The following S100Z variants were observed in gnomAD, a reference collection of about 807,000 sequenced individuals.
S100Z encodes protein S100-Z.
S100Z carries 11 observed loss-of-function variants against 8.5 expected under a neutral mutation model. That is an observed-to-expected ratio of 1.30 (90% confidence interval 0.82 to 2.15). The LOEUF (loss-of-function observed/expected upper bound fraction) is 2.15, where lower values mean the gene tolerates loss of function less well. S100Z is among the 30% of genes most tolerant of loss of function. The probability of loss-of-function intolerance (pLI) is 0.00; values close to 1 mark genes in which losing one functional copy is unlikely to be tolerated. For missense variants in S100Z, 126 were observed against 117.9 expected, an observed-to-expected ratio of 1.07 and a Z score of -0.32; for synonymous variants, 34 against 43.8, an observed-to-expected ratio of 0.78 and a Z score of 0.89.
rs1159329148 is a variant in S100Z at position 76,875,413 on chromosome 5, C to G, written c.54C>G (p.Arg18=). The stretch of plus-strand genomic sequence containing the variant: ...ACACCATGATTAGAATCTTCCACCG[C>G]TATTCTGGCAAGGAAAGGAAGAGAT... ...AMDTMIRIFH[R]YSGKERKRFK... The change falls in exon 3 of 5, where the codon CGC becomes CGG. Residue 18 remains arginine (R), a synonymous_variant. Transcript: ENST00000317593. 1 of 1,613,356 alleles carries G rather than the reference C, an allele frequency of 6.2e-7. No homozygotes were observed. Among genetic ancestry groups the G allele is most frequent in the Non-Finnish European group, 8.5e-7 (1 of 1,179,682 alleles).
At chr5:76,927,261 T>G in the S100Z span, among the ~76,000 whole-genome samples, 1 of 152,206 alleles carries the variant, frequency 6.6e-6, no homozygotes, top group Non-Finnish European at 1.5e-5. Flanking sequence ...TGACCTATGC[T>G]TTGATGCCCT....
At chr5:76,949,271 A>C in the S100Z span, among the ~76,000 whole-genome samples, 3 of 151,964 alleles carry the variant, frequency 2.0e-5, no homozygotes, top group African/African-American at 7.2e-5. Context: ...CGCCTGTAGT[A>C]CCAGCTACTC....
intron 4 of S100Z, among the ~76,000 whole-genome samples, chr5:76,909,449 A>T (rs1744573580): frequency 6.6e-6 from 1 of 152,158 alleles, no homozygotes; most frequent in East Asian, 1.9e-4. Context: ...GGGAAGGCAA[A>T]TGGAGTGAAA....
At chr5:76,866,819 A>G (rs1380292235) in intron 1 of S100Z, among the ~76,000 whole-genome samples, 3 of 152,194 alleles carry the variant, frequency 2.0e-5, no homozygotes, top group African/African-American at 2.4e-5. Flanking sequence ...TTCTCAGAAT[A>G]TATTTCTGTC....
the S100Z span, among the ~76,000 whole-genome samples, chr5:76,952,490 A>G: frequency 6.6e-6 from 1 of 152,398 alleles, no homozygotes; most frequent in Non-Finnish European, 1.5e-5. Context: ...AAGAAAGCTT[A>G]TAATTGCATT....
intron 1 of S100Z, among the ~76,000 whole-genome samples, chr5:76,869,406 C>A (rs1405462898): frequency 6.6e-6 from 1 of 152,072 alleles, no homozygotes; most frequent in African/African-American, 2.4e-5. Context: ...GAGGAGATGA[C>A]ATTTGAACTG....
At chr5:76,873,913 C>T (rs1743093271) in intron 2 of S100Z, among the ~76,000 whole-genome samples, 1 of 152,190 alleles carries the variant, frequency 6.6e-6, no homozygotes, top group Non-Finnish European at 1.5e-5. Context: ...GCACACACAG[C>T]TGCTCTGAGG....
At chr5:76,926,430 T>C (rs1321468173), downstream of S100Z, among the ~76,000 whole-genome samples, 1 of 151,978 alleles carries the variant, frequency 6.6e-6, no homozygotes, top group Non-Finnish European at 1.5e-5. Flanking sequence ...AAAAAAAAGA[T>C]GAAAGTGGCA....
intron 4 of S100Z, among the ~76,000 whole-genome samples, chr5:76,895,566 GTGGGTATATAGTAGGTGTAT>G (rs1561241735): frequency 6.6e-6 from 1 of 151,744 alleles, no homozygotes; most frequent in East Asian, 1.9e-4. Flanking sequence ...AAAATTTTTT[GTGGGTATATAGTAGGTGTAT>G]ATAGGGTATA....
intron 4 of S100Z, among the ~76,000 whole-genome samples, chr5:76,914,252 G>A (rs894539689): frequency 6.6e-6 from 1 of 152,096 alleles, no homozygotes; most frequent in South Asian, 2.1e-4. Context: ...CTGTTTAGAG[G>A]GGGGATTGAG....
the S100Z span, among the ~76,000 whole-genome samples, chr5:76,949,218 C>T: frequency 1.3e-5 from 2 of 152,100 alleles, no homozygotes; most frequent in Non-Finnish European, 2.9e-5. Flanking sequence ...GAAACCCCGT[C>T]TCTACTAAAC....
At chr5:76,914,724 C>G (rs1744795736) in intron 4 of S100Z, among the ~76,000 whole-genome samples, 1 of 152,080 alleles carries the variant, frequency 6.6e-6, no homozygotes. Flanking sequence ...CCGCGAAGGT[C>G]TGCAGCTTCA....
the S100Z span, among the ~76,000 whole-genome samples, chr5:76,940,479 C>T: frequency 6.6e-6 from 1 of 151,886 alleles, no homozygotes; most frequent in East Asian, 1.9e-4. Flanking sequence ...GCGGCACGAT[C>T]TCAACTAAGT....
At chr5:76,932,960 C>A in the S100Z span, among the ~76,000 whole-genome samples, 3 of 152,166 alleles carry the variant, frequency 2.0e-5, no homozygotes, top group African/African-American at 7.2e-5. Flanking sequence ...TTTGCTTCAT[C>A]AATGCTAAAA....
At chr5:76,944,471 A>G in the S100Z span, among the ~76,000 whole-genome samples, 1 of 152,186 alleles carries the variant, frequency 6.6e-6, no homozygotes, top group East Asian at 1.9e-4. Flanking sequence ...TTCAAGCTAT[A>G]TAAAAAATAC....
intron 3 of S100Z, among the ~76,000 whole-genome samples, chr5:76,876,371 A>ATT (rs796432506): frequency 0.017 from 2,411 of 141,442 alleles, 77 homozygotes; most frequent in African/African-American, 0.057. Flanking sequence ...TGGCTACTGT[A>ATT]TTTTTTTTTT....
chr5:76,935,589 A>G, the S100Z span, among the ~76,000 whole-genome samples: 1 of 151,966 alleles, frequency 6.6e-6, no homozygotes, highest in African/African-American at 2.4e-5. Context: ...AACATATCTG[A>G]TTCACAGTGT....
At chr5:76,866,258 T>C (rs1400371985) in intron 1 of S100Z, among the ~76,000 whole-genome samples, 1 of 151,906 alleles carries the variant, frequency 6.6e-6, no homozygotes, top group Non-Finnish European at 1.5e-5. Flanking sequence ...CTAATTTTTG[T>C]ATTTTTAGCA....
chr5:76,942,828 T>G, the S100Z span, among the ~76,000 whole-genome samples: 1 of 152,258 alleles, frequency 6.6e-6, no homozygotes, highest in East Asian at 1.9e-4. Context: ...GCTGGAGCAC[T>G]TGGGGACTCC....
Sources: allele counts gnomAD v4.1 joint callset (sites outside exome capture counted in the v4.1 genomes callset), GRCh38; gene constraint gnomAD v4.1.1; transcripts MANE v1.5; gene names NCBI Gene and HGNC (gene_info 2026-07-23, HGNC 2026-07-21).